DLC1: variants seen among roughly 807,000 people sequenced by gnomAD.
DLC1 encodes the protein DLC1 Rho GTPase activating protein.
Under a neutral mutation model 140.3 loss-of-function variants are expected in DLC1, and 54 were observed. The ratio of observed to expected loss-of-function variants is 0.38; its 90% confidence interval spans 0.31 to 0.48. The LOEUF is 0.48. DLC1 is among the 20% of genes least tolerant of loss of function. The pLI, the probability that DLC1 is intolerant of heterozygous loss-of-function variation, is 0.96. For synonymous variants in DLC1, 986 were observed against 728.1 expected (o/e 1.35, Z -5.70); for missense variants, 2,536 against 1,907.0 (o/e 1.33, Z -6.14).
At chr8:13,305,858 T>C (rs919876567) in intron 4 of DLC1, among the ~76,000 whole-genome samples, 21 of 152,124 alleles carry the variant, frequency 1.4e-4, no homozygotes, top group Non-Finnish European at 5.9e-5. Context: ...CTAACAACAT[T>C]GGCAATAAAT....
intron 10 of DLC1, chr8:13,095,498 G>T (rs1488534095): frequency 4.0e-6 from 2 of 497,584 alleles, no homozygotes; most frequent in Admixed American, 3.2e-5. Context: ...CTATCATCCA[G>T]ACAGTTCTCC....
chr8:13,555,737 A>C (rs1368753612), intron 1 of DLC1, among the ~76,000 whole-genome samples: 10 of 151,872 alleles, frequency 6.6e-5, no homozygotes, highest in Non-Finnish European at 1.2e-4. Context: ...CCTGGCCTCA[A>C]GTGATCCTCT....
chr8:13,507,177 A>C (rs541263241), intron 1 of DLC1, among the ~76,000 whole-genome samples: 12 of 152,332 alleles, frequency 7.9e-5, no homozygotes, highest in African/African-American at 2.9e-4. Flanking sequence ...CAAATTACCT[A>C]GCAAACTAAA....
At chr8:13,184,895 G>C (rs948090872) in intron 5 of DLC1, among the ~76,000 whole-genome samples, 87 of 152,126 alleles carry the variant, frequency 5.7e-4, no homozygotes, top group African/African-American at 2.1e-3. Context: ...ATTGACAGAG[G>C]GGTGTTAAAG....
At chr8:13,363,791 T>G (rs1438843059) in intron 4 of DLC1, among the ~76,000 whole-genome samples, 5 of 152,178 alleles carry the variant, frequency 3.3e-5, no homozygotes, top group Non-Finnish European at 7.4e-5. Context: ...ATTTGGTGAT[T>G]GCAAAACTGG....
intron 1 of DLC1, among the ~76,000 whole-genome samples, chr8:13,528,476 A>G (rs925430119): frequency 2.6e-5 from 4 of 152,214 alleles, no homozygotes; most frequent in Admixed American, 2.0e-4. Flanking sequence ...GAGTTTGTAA[A>G]ACATGTGTTA....
chr8:13,530,079 T>C (rs796997929), intron 1 of DLC1, among the ~76,000 whole-genome samples: 30 of 152,146 alleles, frequency 2.0e-4, no homozygotes, highest in African/African-American at 7.0e-4. Context: ...TGCAAGAGGG[T>C]CTGTAATGAC....
chr8:13,568,176 T>C (rs1804524109), intron 1 of DLC1: 2 of 502,010 alleles, frequency 4.0e-6, no homozygotes, highest in Admixed American at 3.9e-5. Flanking sequence ...AGGATGTTGA[T>C]GGTACAGAAG....
chr8:13,305,623 G>A (rs370395835), intron 4 of DLC1, among the ~76,000 whole-genome samples: 5 of 152,286 alleles, frequency 3.3e-5, no homozygotes, highest in Admixed American at 3.3e-4. Context: ...GGATCGTTGA[G>A]CCCAGGAGTT....
At chr8:13,498,004 T>C (rs942051912) in intron 2 of DLC1, among the ~76,000 whole-genome samples, 6 of 152,142 alleles carry the variant, frequency 3.9e-5, no homozygotes, top group Non-Finnish European at 5.9e-5. Flanking sequence ...AAGAAAGTAG[T>C]AGATTTTTTT....
chr8:13,305,205 A>AT (rs1229829999), intron 5 of DLC1, 64 bp downstream of exon 5: 1 of 1,589,992 alleles, frequency 6.3e-7, no homozygotes, highest in Non-Finnish European at 8.6e-7. Flanking sequence ...TAAAATGCCT[A>AT]TTTTAAGGTG....
intron 1 of DLC1, among the ~76,000 whole-genome samples, chr8:13,580,203 G>A (rs1318294175): frequency 1.3e-5 from 2 of 151,544 alleles, no homozygotes; most frequent in East Asian, 1.9e-4. Flanking sequence ...GCTCACTGCA[G>A]CCTCTGCCTC....
At chr8:13,355,720 T>G (rs1243266167) in intron 4 of DLC1, among the ~76,000 whole-genome samples, 1 of 152,172 alleles carries the variant, frequency 6.6e-6, no homozygotes, top group Non-Finnish European at 1.5e-5. Flanking sequence ...TTTGAAGTAA[T>G]TCAACTTGAA....
intron 1 of DLC1, among the ~76,000 whole-genome samples, chr8:13,528,821 A>G (rs1386248825): frequency 6.6e-6 from 1 of 152,202 alleles, no homozygotes; most frequent in Non-Finnish European, 1.5e-5. Flanking sequence ...AGTTTGAGCA[A>G]CAGACCCACT....
In DLC1 at chr8:13,480,404, G is replaced by T. The variant is rs142581649; in HGVS notation, c.1023+18645C>A. Among the ~76,000 whole-genome samples the T allele has an allele frequency of 2.3e-3, 349 of 152,202 alleles. 3 individuals are homozygous for T. Among genetic ancestry groups the T allele is most frequent in the African/African-American group, 7.9e-3 (326 of 41,528 alleles). ...GGAACAAAATAGAAAGAACGTAAAA[G>T]AAAATCTTTTAGAACTTGATGCCTG... On this transcript the variant is annotated intron_variant, in intron 2 of 17. Coordinates refer to ENST00000276297, the MANE Select transcript of DLC1 (RefSeq NM_182643.3).
chr8:13,368,524 AT>A (rs796533088), intron 4 of DLC1, among the ~76,000 whole-genome samples: 12,227 of 144,616 alleles, frequency 0.085, 556 homozygotes, highest in African/African-American at 0.1. Context: ...AGGCAGTTAA[AT>A]TTTTTTTTTT....
At chr8:13,559,846 A>T (rs1020597674) in intron 1 of DLC1, among the ~76,000 whole-genome samples, 1 of 152,190 alleles carries the variant, frequency 6.6e-6, no homozygotes, top group South Asian at 2.1e-4. Flanking sequence ...TTAGAATCTC[A>T]TTTATATTCA....
chr8:13,183,922 T>C (rs1826190270), intron 5 of DLC1, among the ~76,000 whole-genome samples: 2 of 152,212 alleles, frequency 1.3e-5, no homozygotes, highest in African/African-American at 4.8e-5. Flanking sequence ...CTGGTAGAAT[T>C]TGGCTGTGAA....
chr8:13,262,216 A>C (rs914071023), intron 5 of DLC1, among the ~76,000 whole-genome samples: 4 of 152,172 alleles, frequency 2.6e-5, no homozygotes, highest in African/African-American at 9.7e-5. Flanking sequence ...TAATTATTAG[A>C]GAGAAGTTCT....
Sources: gnomAD v4.1 joint callset for allele counts (sites outside exome capture counted in the v4.1 genomes callset) on GRCh38, gnomAD v4.1.1 for gene constraint, MANE v1.5 for transcripts, NCBI Gene and HGNC (gene_info 2026-07-23, HGNC 2026-07-21) for gene names.